BEND3: variants seen among roughly 807,000 people sequenced by gnomAD.
BEND3 encodes BEN domain containing 3.
BEND3 carries 13 observed loss-of-function variants against 60.1 expected under a neutral mutation model. The ratio of observed to expected loss-of-function variants is 0.22; its 90% CI spans 0.14 to 0.34. The LOEUF (loss-of-function observed/expected upper bound fraction) is 0.34, where lower values mean the gene tolerates loss of function less well. Ranked by LOEUF, BEND3 falls within the 10% of genes least tolerant of loss-of-function variation. BEND3 has a pLI of 1.00. For synonymous variants in BEND3, 497 were observed against 491.5 expected (o/e 1.01, Z -0.15); for missense variants, 896 against 1,138.1 (o/e 0.79, Z 3.06).
At chr6:107,074,398 G>T (rs1775055791) in intron 3 of BEND3, among the ~76,000 whole-genome samples, 1 of 152,208 alleles carries the variant, frequency 6.6e-6, no homozygotes. Context: ...CTGGGCAACA[G>T]AGTGAGACTC....
At position 107,070,048 on chromosome 6, in the gene BEND3, G is replaced by A. The variant is rs782641596; in HGVS notation, c.1143C>T (p.Asp381=). 1.9e-6 allele frequency: 3 copies of A among 1,613,720 alleles called. No homozygotes were observed. Among genetic ancestry groups the A allele is most frequent in the African/African-American group, 1.3e-5 (1 of 75,044 alleles). ...GGTCTGAGGCGATGGTGCTGCTCCG[G>A]TCAAGAGACAGGGCCTCCTCCTGGT... ...NKDQEEALSL[D]RSSTIASDHV... The change falls in exon 4 of 4, where the codon GAC becomes GAT. Residue 381 remains aspartate, a synonymous_variant. Transcript: ENST00000369042. This position sits in a 1 kb window ranked among gnomAD's most constrained non-coding sequence, Gnocchi z 6.9.
In BEND3 at chr6:107,069,589, G is replaced by T. The variant is rs369273225; in HGVS notation, c.1602C>A (p.Ile534=). ...GGGGGATCTCTAACTTGTCGAAGTC[G>T]ATGGGCACCAGCCAGATCTTCTTGG... is the stretch of plus-strand genomic sequence containing the variant. ...RRSKKIWLVP[I]DFDKLEIPQP... is the part of the protein sequence containing the mutation. Residue 534 remains isoleucine, a synonymous_variant, in exon 4 of 4, where the codon ATC becomes ATA. Transcript: ENST00000369042. 18 of 1,612,610 alleles carry T rather than the reference G, an allele frequency of 1.1e-5. No homozygotes were observed. Among genetic ancestry groups the T allele is most frequent in the South Asian group, 3.3e-5 (3 of 91,094 alleles).
At chr6:107,109,456 A>AAAAAAAAAAAAAAAAC in intron 1 of BEND3, among the ~76,000 whole-genome samples, 2 of 149,230 alleles carry the variant, frequency 1.3e-5, no homozygotes, top group East Asian at 2.0e-4. Context: ...AAAAAAAAAA[A>AAAAAAAAAAAAAAAAC]AATCGAGGTG....
At chr6:107,111,232 T>A (rs1770078604) in intron 1 of BEND3, among the ~76,000 whole-genome samples, 1 of 151,834 alleles carries the variant, frequency 6.6e-6, no homozygotes, top group South Asian at 2.1e-4. Context: ...ACATGTAGGC[T>A]AGGCGTGGTG....
At chr6:107,107,424 CTTT>C (rs34112086) in intron 1 of BEND3, among the ~76,000 whole-genome samples, 2 of 147,038 alleles carry the variant, frequency 1.4e-5, no homozygotes, top group Admixed American at 1.4e-4. Flanking sequence ...TATAAAGCTT[CTTT>C]TTTTTTTTTT....
chr6:107,114,624 G>A (rs1247648406), intron 1 of BEND3, among the ~76,000 whole-genome samples: 1 of 149,004 alleles, frequency 6.7e-6, no homozygotes, highest in Non-Finnish European at 1.5e-5. Flanking sequence ...CCAAAGCCCC[G>A]CCGAGCGCGA....
At chr6:107,072,143 G>A (rs1315970101) in intron 3 of BEND3, among the ~76,000 whole-genome samples, 2 of 152,214 alleles carry the variant, frequency 1.3e-5, no homozygotes, top group Admixed American at 1.3e-4. Context: ...TGTCGGGGGA[G>A]CAGGGAGCCT....
Position 107,103,631 on chromosome 6 carries a change from T to C in BEND3, c.-11-4335A>G, listed in dbSNP as rs1210800959. On this transcript the variant is annotated intron_variant, in intron 1 of 3. Transcript: ENST00000369042. ...GTCTGTTCTATGTCCCTCAGACAGC[T>C]GAGCTAAGCCTAGGAAAAAAGAAAA... 3.9e-5 allele frequency among the ~76,000 whole-genome samples: 6 copies of C among 152,200 alleles called. No homozygotes were observed. In the South Asian group the frequency reaches 6.2e-4, roughly 16 times the overall value.
At chr6:107,112,422 G>C (rs1180027310) in intron 1 of BEND3, among the ~76,000 whole-genome samples, 3 of 152,140 alleles carry the variant, frequency 2.0e-5, no homozygotes, top group Admixed American at 6.6e-5. Flanking sequence ...TAGATTGTTG[G>C]GATGCTGACT....
intron 1 of BEND3, among the ~76,000 whole-genome samples, chr6:107,101,351 G>A (rs1554236733): frequency 6.6e-6 from 1 of 152,196 alleles, no homozygotes; most frequent in African/African-American, 2.4e-5. Flanking sequence ...GAGGGAGAGT[G>A]TGTCTGGGTG....
At chr6:107,085,789 C>T (rs1775333382) in intron 3 of BEND3, among the ~76,000 whole-genome samples, 1 of 123,592 alleles carries the variant, frequency 8.1e-6, no homozygotes, top group South Asian at 2.5e-4. Context: ...CCGCACCTGG[C>T]CTTATTTTTT....
At chr6:107,099,864 C>T (rs1247542701) in intron 1 of BEND3, among the ~76,000 whole-genome samples, 1 of 109,582 alleles carries the variant, frequency 9.1e-6, no homozygotes, top group African/African-American at 4.0e-5. Flanking sequence ...CAAAATATCT[C>T]ACTAGTAATT....
Position 107,070,880 on chromosome 6 carries a change from C to T in BEND3, c.311G>A (p.Arg104Lys). 6.2e-7 allele frequency: 1 copy of T among 1,614,008 alleles called. No homozygotes were observed. The highest frequency in any genetic ancestry group is 1.1e-5 in the South Asian group (1 of 91,084). The change falls in exon 4 of 4, where the codon AGG becomes AAG. Residue 104 changes from arginine (R) to lysine (K), a missense_variant. Transcript: ENST00000369042. This position sits in a 1 kb window ranked among gnomAD's most constrained non-coding sequence, Gnocchi z 6.9. ...CCACACATTGCCCAGGCTCCTGCCC[C>T]TGCCGGCCTGCTCACCATTGCCTTG... is the stretch of plus-strand genomic sequence containing the variant. Reference protein sequence around the residue: ...PCQGNGEQAGRGRSLGNVWPG... With the variant: ...PCQGNGEQAGKGRSLGNVWPG...
At chr6:107,076,202 G>A (rs895610289) in intron 3 of BEND3, among the ~76,000 whole-genome samples, 4 of 152,180 alleles carry the variant, frequency 2.6e-5, no homozygotes, top group Admixed American at 6.5e-5. Flanking sequence ...GGCTGGCTGC[G>A]TTTGTGGCTG....
chr6:107,074,594 C>T (rs1451334035), intron 3 of BEND3, among the ~76,000 whole-genome samples: 2 of 152,170 alleles, frequency 1.3e-5, no homozygotes, highest in Admixed American at 6.5e-5. Flanking sequence ...TCATGGAAGG[C>T]ACTTCTTAGA....
At chr6:107,104,994 T>C (rs1554237205) in intron 1 of BEND3, among the ~76,000 whole-genome samples, 2 of 152,074 alleles carry the variant, frequency 1.3e-5, no homozygotes, top group East Asian at 1.9e-4. Flanking sequence ...CTACCTGCAG[T>C]TGGATGAACC....
intron 1 of BEND3, among the ~76,000 whole-genome samples, chr6:107,105,832 CA>C (rs1775802372): frequency 6.6e-6 from 1 of 152,210 alleles, no homozygotes; most frequent in Non-Finnish European, 1.5e-5. Context: ...TCATGCCACT[CA>C]GGGGCAAATC....
At chr6:107,110,324 C>T (rs1554238195) in intron 1 of BEND3, among the ~76,000 whole-genome samples, 1 of 152,204 alleles carries the variant, frequency 6.6e-6, no homozygotes, top group African/African-American at 2.4e-5. Context: ...CTGTTTAACA[C>T]TCTGAGGGCT....
chr6:107,103,590 T>C (rs1554236974), intron 1 of BEND3, among the ~76,000 whole-genome samples: 1 of 152,106 alleles, frequency 6.6e-6, no homozygotes, highest in African/African-American at 2.4e-5. Flanking sequence ...CAAAATCAAC[T>C]TTCTCCCCAA....
Sources: gnomAD v4.1 joint callset for allele counts (sites outside exome capture counted in the v4.1 genomes callset) on GRCh38, gnomAD v4.1.1 for gene constraint, Gnocchi (gnomAD v3.1) non-coding constraint, MANE v1.5 for transcripts, NCBI Gene and HGNC (gene_info 2026-07-23, HGNC 2026-07-21) for gene names.